Variants in ZNF37A observed in about 807,000 individuals in gnomAD.
The protein encoded by ZNF37A is zinc finger protein 37A.
Under a neutral mutation model 12.3 loss-of-function variants are expected in ZNF37A, and 10 were observed. The ratio of observed to expected loss-of-function variants is 0.82; its 90% CI spans 0.50 to 1.38. The LOEUF is 1.38. Among genes scored for constraint, ZNF37A ranks in the 40% most tolerant of loss-of-function variants. ZNF37A has a pLI of 0.00. For missense variants in ZNF37A, 580 were observed against 651.2 expected (o/e 0.89, Z 1.19); for synonymous variants, 207 against 223.0 (o/e 0.93, Z 0.64).
intron 5 of ZNF37A, among the ~76,000 whole-genome samples, chr10:38,097,185 A>G (rs1042713797): frequency 1.1e-4 from 17 of 152,250 alleles, no homozygotes; most frequent in African/African-American, 3.9e-4. Flanking sequence ...ACTTCTGATG[A>G]CAATCTTGCA....
intron 7 of ZNF37A, among the ~76,000 whole-genome samples, chr10:38,136,856 C>T (rs1204029500): frequency 6.6e-6 from 1 of 152,006 alleles, no homozygotes; most frequent in African/African-American, 2.4e-5. Context: ...CCTTTCTTTT[C>T]CTCAGAGTCA....
intron 5 of ZNF37A, among the ~76,000 whole-genome samples, chr10:38,104,967 T>C (rs181493767): frequency 1.1e-4 from 17 of 152,222 alleles, no homozygotes; most frequent in Admixed American, 8.5e-4. Context: ...ATCCACAATA[T>C]TTATTTGCTC....
In ZNF37A at chr10:38,110,720, C is replaced by T. The variant is rs186731805; in HGVS notation, c.16-4035C>T. ...AGAAGACATTTATGCGGCCAACAAACATATGAAAAAAAGCTCATCATCACT... is the reference window on the plus strand; with the variant it reads ...AGAAGACATTTATGCGGCCAACAAATATATGAAAAAAAGCTCATCATCACT... On this transcript the variant is annotated intron_variant, in intron 5 of 7. Coordinates refer to ENST00000685332, the MANE Select transcript of ZNF37A (RefSeq NM_001324250.3). Among the ~76,000 whole-genome samples, 780 of 152,228 alleles carry T rather than the reference C, an allele frequency of 5.1e-3. 8 individuals carry two copies. Among genetic ancestry groups the T allele is most frequent in the African/African-American group, 0.018 (760 of 41,532 alleles).
chr10:38,128,480 A>G (rs1438911816), downstream of ZNF37A, among the ~76,000 whole-genome samples: 1 of 152,178 alleles, frequency 6.6e-6, no homozygotes, highest in African/African-American at 2.4e-5. Context: ...GATTGAGAAT[A>G]TTATACTTTC....
At chr10:38,146,595 T>A (rs2505235) in intron 7 of ZNF37A, 184,449 of 384,862 alleles carry the variant, frequency 0.48, 44,848 homozygotes, top group Admixed American at 0.54. Context: ...AGGTCTACTT[T>A]CAGGGGATTT....
chr10:38,126,578 A>G (rs2069931300), downstream of ZNF37A, among the ~76,000 whole-genome samples: 1 of 152,190 alleles, frequency 6.6e-6, no homozygotes, highest in Non-Finnish European at 1.5e-5. Flanking sequence ...CTCTGAGCTA[A>G]TATCTTTGCC....
chr10:38,119,638 A>C lies in ZNF37A; in HGVS notation c.*801A>C, dbSNP rs7897675. ...TTAATATCTAGTTTAGTTCATTGTCAAGACTGCTATTTTCTAAGAGACTTC... is the reference window on the plus strand; with the variant it reads ...TTAATATCTAGTTTAGTTCATTGTCCAGACTGCTATTTTCTAAGAGACTTC... On this transcript the variant is annotated 3_prime_UTR_variant, in exon 8 of 8. Transcript: ENST00000685332. 0.043 allele frequency: 6,823 copies of C among 158,810 alleles called. 199 individuals are homozygous for C. The highest frequency in any genetic ancestry group is 0.06 in the Non-Finnish European group (4,472 of 74,030). The allele number at this position is 158,810 out of a possible 1,614,324, so 9.8% of individuals were successfully genotyped here.
At chr10:38,147,862 G>T (rs2070274312) in exon 8 of ZNF37A, 1 of 152,150 alleles carries the variant, frequency 6.6e-6, no homozygotes, top group South Asian at 2.1e-4. Context: ...GAGGACAATA[G>T]GCCTTTCTCT....
intron 5 of ZNF37A, among the ~76,000 whole-genome samples, chr10:38,111,612 CTTAT>C (rs1256608681): frequency 5.3e-5 from 8 of 151,956 alleles, no homozygotes; most frequent in Non-Finnish European, 7.4e-5. Flanking sequence ...TCCCATTTTT[CTTAT>C]TTATTTAATC....
chr10:38,099,040 G>T (rs1471362715), intron 5 of ZNF37A, among the ~76,000 whole-genome samples: 6 of 152,088 alleles, frequency 3.9e-5, no homozygotes, highest in African/African-American at 1.4e-4. Context: ...TCCAATTTGG[G>T]TGTGTGTATT....
intron 7 of ZNF37A, among the ~76,000 whole-genome samples, chr10:38,133,506 C>T (rs2070062859): frequency 7.0e-6 from 1 of 143,036 alleles, no homozygotes; most frequent in Non-Finnish European, 1.5e-5. Context: ...TGATGTTCCC[C>T]ACCCTGTGTC....
At chr10:38,147,608 C>G (rs536680463) in exon 8 of ZNF37A, 2 of 152,114 alleles carry the variant, frequency 1.3e-5, no homozygotes, top group East Asian at 3.9e-4. Flanking sequence ...TTAAAACATT[C>G]TTCCCTGAAC....
Position 38,118,086 on chromosome 10 carries a change from C to A in ZNF37A, c.935C>A (p.Ser312Ter). The A allele has an allele frequency of 6.2e-7, 1 of 1,613,850 alleles. No individual in the cohort carries two copies. Among genetic ancestry groups the A allele is most frequent in the Non-Finnish European group, 8.5e-7 (1 of 1,179,874 alleles). ...TGTGGGAAGACCTTCTATAAGAATT[C>A]AGACCTCATTAAACATCAAAGAATT... ...HECGKTFYKN[S>*]DLIKHQRIHT... Residue 312 changes from serine (S) to a stop codon, truncating the protein, a stop_gained, in exon 8 of 8, where the codon TCA becomes TAA. Coordinates refer to ENST00000685332, the MANE Select transcript of ZNF37A (RefSeq NM_001324250.3). LOFTEE classifies it low-confidence loss of function (END_TRUNC).
chr10:38,129,303 C>A (rs1166027180), downstream of ZNF37A, among the ~76,000 whole-genome samples: 3 of 40,924 alleles, frequency 7.3e-5, no homozygotes, highest in Non-Finnish European at 1.1e-4. Context: ...AAGACTCTGT[C>A]TAAAAAAAAA....
rs2069474777 is a variant in ZNF37A at position 38,118,473 on chromosome 10, G to A, written c.1322G>A (p.Cys441Tyr). 6.2e-7 allele frequency: 1 copy of A among 1,613,874 alleles called. No homozygotes were observed. The highest frequency in any genetic ancestry group is 1.3e-5 in the African/African-American group (1 of 74,904). Residue 441 changes from cysteine to tyrosine, a missense_variant, in exon 8 of 8, where the codon TGT becomes TAT. Physicochemically the swap from Cys to Tyr is radical, Grantham distance 194. Coordinates refer to ENST00000685332, the MANE Select transcript of ZNF37A (RefSeq NM_001324250.3). ...RTHTGEKPYE[C>Y]IQCGKFFCYY... ...CACACAGGTGAGAAACCTTATGAATGTATTCAGTGTGGAAAATTTTTCTGC... is the reference window on the plus strand; with the variant it reads ...CACACAGGTGAGAAACCTTATGAATATATTCAGTGTGGAAAATTTTTCTGC...
chr10:38,134,624 C>T (rs150117310), intron 7 of ZNF37A, among the ~76,000 whole-genome samples: 57 of 152,256 alleles, frequency 3.7e-4, no homozygotes, highest in Non-Finnish European at 5.6e-4. Flanking sequence ...TACAGAATGG[C>T]AAATGTTATT....
In ZNF37A at chr10:38,121,944, A is replaced by T. The variant is rs1340070678; in HGVS notation, c.*3107A>T. On this transcript the variant is annotated 3_prime_UTR_variant, in exon 8 of 8. Coordinates refer to ENST00000685332, the MANE Select transcript of ZNF37A (RefSeq NM_001324250.3). ...GAATCATCTCATGTACCTGACAGTA[A>T]GAAAATACTCTGGCTGGTCTCAGTG... The T allele has an allele frequency of 6.6e-6, 1 of 152,170 alleles. No homozygotes were observed. Among genetic ancestry groups the T allele is most frequent in the African/African-American group, 2.4e-5 (1 of 41,422 alleles). 9.4% of individuals were successfully genotyped at this position (152,170 alleles called of 1,614,324 possible).
chr10:38,112,162 CA>C (rs2068740512), intron 5 of ZNF37A, among the ~76,000 whole-genome samples: 1 of 149,650 alleles, frequency 6.7e-6, no homozygotes, highest in East Asian at 2.0e-4. Context: ...AAAAACCCAA[CA>C]AAACCCCTTT....
chr10:38,149,990 A>C (rs535717384), exon 8 of ZNF37A: 1 of 152,318 alleles, frequency 6.6e-6, no homozygotes, highest in East Asian at 1.9e-4. Flanking sequence ...TGCCTAGAAA[A>C]GTACCTGGTA....
Sources: gnomAD v4.1 joint callset for allele counts (sites outside exome capture counted in the v4.1 genomes callset) on GRCh38, gnomAD v4.1.1 for gene constraint, MANE v1.5 for transcripts, NCBI Gene and HGNC (gene_info 2026-07-23, HGNC 2026-07-21) for gene names.